TSGA10: variants seen among roughly 807,000 people sequenced by gnomAD.
TSGA10 encodes the protein testis specific 10, also known as testis-specific gene 10 protein.
Under a neutral mutation model 96.6 loss-of-function variants are expected in TSGA10, and 43 were observed. That is an observed-to-expected ratio of 0.44 (90% CI 0.35 to 0.57). The LOEUF is 0.57. Ranked by LOEUF, TSGA10 falls within the 20% of genes least tolerant of loss-of-function variation. TSGA10 has a pLI of 0.01. For missense variants in TSGA10, 703 were observed against 834.4 expected (o/e 0.84, Z 1.94); for synonymous variants, 229 against 269.9 (o/e 0.85, Z 1.48).
chr2:99,046,062 G>T (rs1374528109), intron 16 of TSGA10, among the ~76,000 whole-genome samples: 1 of 151,892 alleles, frequency 6.6e-6, no homozygotes, highest in Admixed American at 6.5e-5. Flanking sequence ...GGAGCACCCA[G>T]ATGAATAAAG....
At chr2:99,041,439 A>T (rs1217716259) in intron 16 of TSGA10, among the ~76,000 whole-genome samples, 1 of 152,226 alleles carries the variant, frequency 6.6e-6, no homozygotes, top group African/African-American at 2.4e-5. Flanking sequence ...ACTATACTAC[A>T]AGGCTATGTT....
chr2:99,152,198 T>G (rs1289184248), intron 1 of TSGA10, among the ~76,000 whole-genome samples: 1 of 152,222 alleles, frequency 6.6e-6, no homozygotes, highest in Non-Finnish European at 1.5e-5. Flanking sequence ...GACAGGAGAT[T>G]ATACAGTAAT....
chr2:99,086,027 C>T (rs1369249648), intron 10 of TSGA10, among the ~76,000 whole-genome samples: 2 of 152,146 alleles, frequency 1.3e-5, no homozygotes, highest in Non-Finnish European at 2.9e-5. Context: ...TCAATAAATA[C>T]ACCAAAGCAA....
chr2:99,140,478 T>C (rs6717729), intron 1 of TSGA10, among the ~76,000 whole-genome samples: 91,118 of 150,420 alleles, frequency 0.61, 28,149 homozygotes, highest in East Asian at 0.88. Context: ...TTCCCGAAGC[T>C]GCGAAAAAAA....
intron 1 of TSGA10, among the ~76,000 whole-genome samples, chr2:99,140,773 C>G (rs955403465): frequency 5.3e-5 from 8 of 152,130 alleles, no homozygotes; most frequent in African/African-American, 1.7e-4. Context: ...ACCAGAGCTT[C>G]CAGAGCGTTT....
At chr2:99,149,717 C>T (rs1164491275) in intron 1 of TSGA10, among the ~76,000 whole-genome samples, 2 of 150,504 alleles carry the variant, frequency 1.3e-5, no homozygotes, top group Non-Finnish European at 3.0e-5. Context: ...GCTGGGATTA[C>T]AGGTGTGAGC....
intron 16 of TSGA10, among the ~76,000 whole-genome samples, chr2:99,047,634 A>G (rs1006180462): frequency 1.3e-5 from 2 of 152,164 alleles, no homozygotes; most frequent in African/African-American, 4.8e-5. Flanking sequence ...AATGTGCAAA[A>G]ACTGGAAGCA....
chr2:99,063,814 T>C (rs1157995044), intron 16 of TSGA10, among the ~76,000 whole-genome samples: 1 of 151,666 alleles, frequency 6.6e-6, no homozygotes, highest in African/African-American at 2.4e-5. Context: ...CAAAAAAATA[T>C]ATATATATGA....
intron 13 of TSGA10, among the ~76,000 whole-genome samples, chr2:99,072,511 G>A (rs1239010002): frequency 6.6e-6 from 1 of 152,072 alleles, no homozygotes; most frequent in Non-Finnish European, 1.5e-5. Flanking sequence ...TTTTCCTGGT[G>A]TCTCTCCCTC....
intron 16 of TSGA10, among the ~76,000 whole-genome samples, chr2:99,047,478 T>C (rs574432045): frequency 1.2e-3 from 179 of 152,216 alleles, no homozygotes; most frequent in African/African-American, 4.1e-3. Context: ...AAAAACCACA[T>C]GATTATCTCA....
intron 10 of TSGA10, among the ~76,000 whole-genome samples, chr2:99,082,526 T>TATAAC: frequency 6.6e-6 from 1 of 152,254 alleles, no homozygotes; most frequent in South Asian, 2.1e-4. Flanking sequence ...CTCGCTTGGG[T>TATAAC]ATAACACAAC....
chr2:99,149,442 C>CTTTT (rs35395900), intron 1 of TSGA10, among the ~76,000 whole-genome samples: 2 of 132,820 alleles, frequency 1.5e-5, no homozygotes, highest in African/African-American at 2.8e-5. Flanking sequence ...ACATGATCAT[C>CTTTT]TTTTTTTTTT....
chr2:99,065,028 T>C lies in TSGA10; in HGVS notation c.1315A>G (p.Asn439Asp). The C allele has an allele frequency of 6.2e-7, 1 of 1,614,038 alleles. No individual in the cohort carries two copies. Among genetic ancestry groups the C allele is most frequent in the South Asian group, 1.1e-5 (1 of 91,044 alleles). The change falls in exon 16 of 21, where the codon AAT becomes GAT. Residue 439 changes from asparagine (N) to aspartate (D), a missense_variant. Physicochemically the swap from Asn to Asp is conservative, Grantham distance 23. Coordinates refer to ENST00000393483, the MANE Select transcript of TSGA10 (RefSeq NM_025244.4). ...NKARQSEADNNTLKLELITAE... is the reference protein window; with the variant it reads ...NKARQSEADNDTLKLELITAE... Reference sequence around the variant, plus strand: ...GTGATAAGTTCCAGTTTGAGGGTATTGTTATCTGCCTCTGATTGACGGGCT... The same window carrying C: ...GTGATAAGTTCCAGTTTGAGGGTATCGTTATCTGCCTCTGATTGACGGGCT...
intron 10 of TSGA10, among the ~76,000 whole-genome samples, chr2:99,086,233 G>GA (rs953339672): frequency 1.3e-5 from 2 of 151,648 alleles, no homozygotes; most frequent in South Asian, 2.1e-4. Context: ...TTCTTTTGTG[G>GA]AAAAAAAAGA....
intron 17 of TSGA10, among the ~76,000 whole-genome samples, chr2:99,034,840 C>G (rs1270723554): frequency 1.3e-5 from 2 of 152,128 alleles, no homozygotes; most frequent in Non-Finnish European, 2.9e-5. Context: ...GAATGTCAGG[C>G]ACAAAGTAGA....
At chr2:99,062,784 C>T (rs537797085) in intron 16 of TSGA10, among the ~76,000 whole-genome samples, 5 of 152,118 alleles carry the variant, frequency 3.3e-5, no homozygotes, top group East Asian at 1.9e-4. Context: ...CATAATGAAA[C>T]GAGATGATAT....
chr2:99,072,722 TCC>T, intron 13 of TSGA10, among the ~76,000 whole-genome samples: 2 of 152,298 alleles, frequency 1.3e-5, no homozygotes, highest in Middle Eastern at 3.4e-3. Flanking sequence ...CCTTCACTTC[TCC>T]CCTTACACTC....
intron 10 of TSGA10, among the ~76,000 whole-genome samples, chr2:99,089,513 G>A (rs970409377): frequency 2.6e-5 from 4 of 152,178 alleles, no homozygotes; most frequent in Admixed American, 2.6e-4. Flanking sequence ...CCTGGGGCAA[G>A]TTCTCAGCCC....
intron 12 of TSGA10, among the ~76,000 whole-genome samples, chr2:99,075,829 T>C (rs983155175): frequency 4.6e-5 from 7 of 152,124 alleles, no homozygotes; most frequent in Admixed American, 1.3e-4. Flanking sequence ...GAAAATGAGA[T>C]TTTGAAAGAT....
Sources: allele counts gnomAD v4.1 joint callset (sites outside exome capture counted in the v4.1 genomes callset), GRCh38; gene constraint gnomAD v4.1.1; transcripts MANE v1.5; gene names NCBI Gene and HGNC (gene_info 2026-07-23, HGNC 2026-07-21).